DSCAML1: variants seen among roughly 807,000 people sequenced by gnomAD.
DSCAML1 encodes the protein DS cell adhesion molecule like 1.
Under a neutral mutation model 200.5 loss-of-function variants are expected in DSCAML1, and 38 were observed. The ratio of observed to expected loss-of-function variants is 0.19; its 90% CI spans 0.15 to 0.25. The LOEUF (loss-of-function observed/expected upper bound fraction) is 0.25, where lower values mean the gene tolerates loss of function less well. DSCAML1 is among the 10% of genes least tolerant of loss of function. DSCAML1 has a pLI of 1.00. For missense variants in DSCAML1, 2,223 were observed against 2,858.8 expected (o/e 0.78, Z 5.07); for synonymous variants, 1,215 against 1,165.0 (o/e 1.04, Z -0.87).
chr11:117,640,995 A>G (rs1036408860), intron 3 of DSCAML1, among the ~76,000 whole-genome samples: 2 of 152,264 alleles, frequency 1.3e-5, no homozygotes, highest in Non-Finnish European at 2.9e-5. Flanking sequence ...TAACTCTTGA[A>G]AAAAGCTTAT....
chr11:117,526,207 T>C (rs1468560729), intron 4 of DSCAML1, among the ~76,000 whole-genome samples: 1 of 152,276 alleles, frequency 6.6e-6, no homozygotes, highest in East Asian at 1.9e-4. Flanking sequence ...CTCCCCAGGA[T>C]GCCCCTCACC....
intron 3 of DSCAML1, among the ~76,000 whole-genome samples, chr11:117,569,650 T>C (rs1225358850): frequency 6.6e-6 from 1 of 152,240 alleles, no homozygotes; most frequent in African/African-American, 2.4e-5. Context: ...TGAACTGAGA[T>C]AATGCTACTG....
At chr11:117,775,642 T>C (rs1201509711) in intron 3 of DSCAML1, among the ~76,000 whole-genome samples, 2 of 152,100 alleles carry the variant, frequency 1.3e-5, no homozygotes, top group South Asian at 2.1e-4. Context: ...CGCCAGAGCA[T>C]GGTTCTTGTC....
chr11:117,704,595 G>A (rs766885138), intron 3 of DSCAML1, among the ~76,000 whole-genome samples: 1 of 152,204 alleles, frequency 6.6e-6, no homozygotes, highest in Non-Finnish European at 1.5e-5. Context: ...CGGGGAGGAG[G>A]GGGTGTATGG....
chr11:117,459,235 C>T (rs7949266), intron 18 of DSCAML1, among the ~76,000 whole-genome samples: 4,470 of 152,340 alleles, frequency 0.029, 229 homozygotes, highest in African/African-American at 0.1. Context: ...TTCTCCCTCC[C>T]GCTACCCAAC....
rs1285044503 is a variant in DSCAML1 at position 117,745,395 on chromosome 11, C to T, written c.511+31396G>A. ...GCTACCGAGGGAGCTGAAGCTGTTCCACCCCAAGGGAGCTTTTCTCCCCTT... is the reference window on the plus strand; with the variant it reads ...GCTACCGAGGGAGCTGAAGCTGTTCTACCCCAAGGGAGCTTTTCTCCCCTT... On this transcript the variant is annotated intron_variant, in intron 3 of 32. Transcript: ENST00000651296. Among the ~76,000 whole-genome samples, 2 of 152,168 alleles carry T rather than the reference C, an allele frequency of 1.3e-5. 1 individual carries two copies. The highest frequency in any genetic ancestry group is 6.3e-3 in the Middle Eastern group (2 of 316).
chr11:117,669,407 C>T lies in DSCAML1; in HGVS notation c.511+107384G>A, dbSNP rs1480610820. 1.3e-5 allele frequency among the ~76,000 whole-genome samples: 2 copies of T among 152,234 alleles called. 1 individual carries two copies. Among genetic ancestry groups the T allele is most frequent in the South Asian group, 4.1e-4 (2 of 4,834 alleles). On this transcript the variant is annotated intron_variant, in intron 3 of 32. Transcript: ENST00000651296. ...CCTTCAAGGTCCCCATCTGCCTGAG[C>T]TGGGTGAGTGGTGAGAGATGGCAAC...
rs1307366978 is a variant in DSCAML1 at position 117,518,206 on chromosome 11, G to A, written c.1510+260C>T. Reference sequence around the variant, plus strand: ...GGTAAGAGAAGGGGCTGGGCTGGCTGGATTTCTGGACAGGAGGAAGGAGGA... The same window carrying A: ...GGTAAGAGAAGGGGCTGGGCTGGCTAGATTTCTGGACAGGAGGAAGGAGGA... On this transcript the variant is annotated intron_variant, in intron 7 of 32. Transcript: ENST00000651296. This position sits in a 1 kb window ranked among gnomAD's most constrained non-coding sequence, Gnocchi z 6.3. Among the ~76,000 whole-genome samples, 4 of 152,070 alleles carry A rather than the reference G, an allele frequency of 2.6e-5. No homozygotes were observed. Among genetic ancestry groups the A allele is most frequent in the Non-Finnish European group, 5.9e-5 (4 of 68,004 alleles).
At chr11:117,802,407 C>T (rs2055669211) in intron 1 of DSCAML1, among the ~76,000 whole-genome samples, 2 of 152,192 alleles carry the variant, frequency 1.3e-5, no homozygotes, top group Admixed American at 1.3e-4. Flanking sequence ...GGCTCCGACC[C>T]TTTCGATTTG....
At chr11:117,449,353 G>A (rs1215347262) in intron 20 of DSCAML1, among the ~76,000 whole-genome samples, 1 of 152,130 alleles carries the variant, frequency 6.6e-6, no homozygotes, top group Non-Finnish European at 1.5e-5. Flanking sequence ...GTGAGGTAGT[G>A]GCCGTGAGGA....
chr11:117,579,021 C>T (rs2050998856), intron 3 of DSCAML1, among the ~76,000 whole-genome samples: 1 of 152,170 alleles, frequency 6.6e-6, no homozygotes, highest in African/African-American at 2.4e-5. Context: ...TTCTGTTTTC[C>T]TTTCTGCCTT....
intron 16 of DSCAML1, among the ~76,000 whole-genome samples, chr11:117,468,286 A>G (rs1271799894): frequency 6.7e-6 from 1 of 148,708 alleles, no homozygotes; most frequent in Admixed American, 6.8e-5. Flanking sequence ...TTTATTTTTC[A>G]TTAATCTGTT....
At chr11:117,448,645 T>C (rs994089234) in intron 20 of DSCAML1, among the ~76,000 whole-genome samples, 1 of 68,948 alleles carries the variant, frequency 1.5e-5, no homozygotes, top group Admixed American at 1.7e-4. Context: ...GTGTGGGGGG[T>C]GGGTAGAGTT....
chr11:117,514,739 C>T (rs536821945), intron 8 of DSCAML1, among the ~76,000 whole-genome samples: 118 of 152,248 alleles, frequency 7.8e-4, no homozygotes, highest in African/African-American at 2.7e-3. Context: ...TGTGCCACCA[C>T]GCTCTGCTAA....
chr11:117,677,942 G>A (rs748318048), intron 3 of DSCAML1, among the ~76,000 whole-genome samples: 3 of 152,146 alleles, frequency 2.0e-5, no homozygotes, highest in African/African-American at 4.8e-5. Context: ...CTCCACTCAC[G>A]AGGACTGCCT....
intron 3 of DSCAML1, among the ~76,000 whole-genome samples, chr11:117,583,207 C>T (rs1591292043): frequency 6.6e-6 from 1 of 152,060 alleles, no homozygotes; most frequent in South Asian, 2.1e-4. Flanking sequence ...TTCTTCCCTA[C>T]CCATTGTCAG....
At chr11:117,457,520 T>G (rs1438974303) in intron 19 of DSCAML1, among the ~76,000 whole-genome samples, 2 of 152,204 alleles carry the variant, frequency 1.3e-5, no homozygotes, top group Non-Finnish European at 2.9e-5. Flanking sequence ...GTCTCCACGC[T>G]GGAGCAGGTG....
At chr11:117,692,912 A>C (rs760934648) in intron 3 of DSCAML1, among the ~76,000 whole-genome samples, 1 of 152,164 alleles carries the variant, frequency 6.6e-6, no homozygotes, top group Non-Finnish European at 1.5e-5. Context: ...CAGGAAGACC[A>C]TCCTTTCATT....
At chr11:117,740,216 G>GA (rs569699019) in intron 3 of DSCAML1, among the ~76,000 whole-genome samples, 41 of 152,138 alleles carry the variant, frequency 2.7e-4, no homozygotes, top group Non-Finnish European at 5.0e-4. Context: ...GGTTCTGTGG[G>GA]AAAAAAAGTA....
Sources: gnomAD v4.1 joint callset for allele counts (sites outside exome capture counted in the v4.1 genomes callset) on GRCh38, gnomAD v4.1.1 for gene constraint, Gnocchi (gnomAD v3.1) non-coding constraint, MANE v1.5 for transcripts, NCBI Gene and HGNC (gene_info 2026-07-23, HGNC 2026-07-21) for gene names.